Variants in TFB1M observed in about 807,000 individuals in gnomAD.
The protein encoded by TFB1M is dimethyladenosine transferase 1, mitochondrial.
TFB1M carries 27 observed loss-of-function variants against 31.1 expected under a neutral mutation model. The observed-to-expected ratio is 0.87, with a 90% confidence interval of 0.64 to 1.20. The LOEUF (loss-of-function observed/expected upper bound fraction) is 1.20. TFB1M is among the 50% of genes most tolerant of loss of function. The pLI, the probability that TFB1M is intolerant of heterozygous loss-of-function variation, is 0.00. For missense variants in TFB1M, 394 were observed against 418.7 expected, an observed-to-expected ratio of 0.94 and a Z score of 0.51; for synonymous variants, 166 against 151.8, an observed-to-expected ratio of 1.09 and a Z score of -0.69.
At chr6:155,241,569 C>T in the TFB1M span, among the ~76,000 whole-genome samples, 120 of 152,216 alleles carry the variant, frequency 7.9e-4, no homozygotes, top group African/African-American at 2.7e-3. Flanking sequence ...CACACACGTG[C>T]GGCTATTACC....
At chr6:155,240,493 GC>G in the TFB1M span, 4 of 1,572,672 alleles carry the variant, frequency 2.5e-6, no homozygotes, top group South Asian at 1.2e-5. Flanking sequence ...TCAGGGAGAG[GC>G]CCGTGCATTA....
chr6:155,252,361 C>T (rs560272348), downstream of TFB1M, among the ~76,000 whole-genome samples: 17 of 152,116 alleles, frequency 1.1e-4, no homozygotes, highest in East Asian at 5.8e-4. Context: ...CCCAGCTACT[C>T]GGGAGGCTGA....
In TFB1M at chr6:155,297,175, T is replaced by A. The variant is rs1256996595; in HGVS notation, c.395-71A>T. 3.4e-5 allele frequency: 51 copies of A among 1,521,520 alleles called. 1 individual carries two copies. In the Admixed American group the frequency reaches 7.4e-4, roughly 22 times the overall value. 94.3% of individuals were successfully genotyped at this position (1,521,520 alleles called of 1,614,324 possible). A position where few individuals can be genotyped will look rare whatever the true frequency, so the allele number is the denominator to read the frequency against. On this transcript the variant is annotated intron_variant, in intron 3 of 6. Coordinates refer to ENST00000367166, the MANE Select transcript of TFB1M (RefSeq NM_016020.4). ...TTCTGAATACAATTTCAGTGACGAG[T>A]AAAATCAGACTGGATATTAATAGCA...
the TFB1M span, among the ~76,000 whole-genome samples, chr6:155,249,013 A>T: frequency 6.6e-6 from 1 of 152,240 alleles, no homozygotes; most frequent in Non-Finnish European, 1.5e-5. Context: ...GTTAACTTCT[A>T]TAAGTAAATA....
At chr6:155,278,149 C>T (rs950493904) in intron 5 of TFB1M, among the ~76,000 whole-genome samples, 2 of 152,080 alleles carry the variant, frequency 1.3e-5, no homozygotes, top group Admixed American at 1.3e-4. Context: ...ATTCCTATCC[C>T]GCTGTGTTCA....
downstream of TFB1M, chr6:155,254,600 A>T: frequency 6.2e-7 from 1 of 1,602,666 alleles, no homozygotes; most frequent in Non-Finnish European, 8.5e-7. Flanking sequence ...CCTTGTGTTT[A>T]TTCAACAAAA....
chr6:155,260,856 T>G lies in TFB1M; in HGVS notation c.667-456A>C, dbSNP rs536157989. 1.5e-3 allele frequency: 397 copies of G among 263,024 alleles called. 7 individuals carry two copies. In the South Asian group the frequency reaches 0.017, roughly 11 times the overall value. 16.3% of individuals were successfully genotyped at this position (263,024 alleles called of 1,614,324 possible). A position where few individuals can be genotyped will look rare whatever the true frequency, so the allele number is the denominator to read the frequency against. ...TAAACTTCCCAGATAGAGACACCAC[T>G]TATTTTCGGTAGACACTGATTAATC... On this transcript the variant is annotated intron_variant, in intron 5 of 6. Transcript: ENST00000367166.
Position 155,257,237 on chromosome 6 carries a change from T to C in TFB1M, c.*599A>G, listed in dbSNP as rs894590452. On this transcript the variant is annotated 3_prime_UTR_variant, in exon 7 of 7. Coordinates refer to ENST00000367166, the MANE Select transcript of TFB1M (RefSeq NM_016020.4). ...CTGTTCATTCCTGGGTTTTGTGCAGTATACATTTTCCCACAAAATGGTTGT... is the reference window on the plus strand; with the variant it reads ...CTGTTCATTCCTGGGTTTTGTGCAGCATACATTTTCCCACAAAATGGTTGT... 2 of 1,161,366 alleles carry C rather than the reference T, an allele frequency of 1.7e-6. No individual in the cohort carries two copies. Among genetic ancestry groups the C allele is most frequent in the African/African-American group, 1.6e-5 (1 of 63,618 alleles). The allele number at this position is 1,161,366 out of a possible 1,614,324, so 71.9% of individuals were successfully genotyped here.
chr6:155,290,970 T>C (rs1776895498), intron 4 of TFB1M, among the ~76,000 whole-genome samples: 1 of 152,178 alleles, frequency 6.6e-6, no homozygotes, highest in African/African-American at 2.4e-5. Flanking sequence ...TAGCTCAAGA[T>C]GGGGCTGGTC....
intron 5 of TFB1M, chr6:155,275,511 G>A (rs950954976): frequency 9.4e-6 from 5 of 534,464 alleles, no homozygotes; most frequent in African/African-American, 5.7e-5. Flanking sequence ...CTTGGGGGCT[G>A]GAGAAGGGGG....
At chr6:155,275,652 T>C (rs947295449) in intron 5 of TFB1M, 5 of 1,449,840 alleles carry the variant, frequency 3.4e-6, no homozygotes, top group East Asian at 4.6e-5. Context: ...CAGAAATAGA[T>C]AGAATTCTGA....
At chr6:155,245,492 G>C in the TFB1M span, 5 of 736,936 alleles carry the variant, frequency 6.8e-6, no homozygotes, top group African/African-American at 7.1e-5. Context: ...TGTGTGGATG[G>C]AGCAGGTTTG....
Position 155,290,034 on chromosome 6 carries a change from C to CT in TFB1M, c.547-4758dup, listed in dbSNP as rs538808878. Among the ~76,000 whole-genome samples the CT allele has an allele frequency of 1.7e-4, 26 of 152,112 alleles. No homozygotes were observed. The East Asian group carries it at 4.1e-3, about 24-fold the overall frequency. ...TTGCAGAAATGTGAGCCAATTAAAC[C>CT]TTTTTTTTAAAATAAATTACCCAGT... On this transcript the variant is annotated intron_variant, in intron 4 of 6. Transcript: ENST00000367166.
the TFB1M span, among the ~76,000 whole-genome samples, chr6:155,235,301 T>C: frequency 6.6e-6 from 1 of 152,176 alleles, no homozygotes; most frequent in Non-Finnish European, 1.5e-5. Context: ...CCTGCTGCCT[T>C]TTCATCAGGA....
At chr6:155,295,925 G>A (rs971615156) in intron 4 of TFB1M, among the ~76,000 whole-genome samples, 1 of 152,168 alleles carries the variant, frequency 6.6e-6, no homozygotes, top group Non-Finnish European at 1.5e-5. Context: ...AGGGACTTGA[G>A]CACTTGTAGA....
chr6:155,253,041 G>A (rs768471442), downstream of TFB1M: 1 of 1,613,974 alleles, frequency 6.2e-7, no homozygotes, highest in African/African-American at 1.3e-5. Flanking sequence ...AGTCAGACTG[G>A]GGAATCCAGC....
At chr6:155,245,964 C>T in the TFB1M span, among the ~76,000 whole-genome samples, 1 of 152,058 alleles carries the variant, frequency 6.6e-6, no homozygotes, top group Non-Finnish European at 1.5e-5. Context: ...CCATGTGTCA[C>T]TTTGCTGTCA....
chr6:155,234,526 C>G, the TFB1M span, among the ~76,000 whole-genome samples: 4 of 152,354 alleles, frequency 2.6e-5, no homozygotes, highest in Admixed American at 2.0e-4. Context: ...ACTTAGCCTT[C>G]TGAGTAGCTG....
intron 3 of TFB1M, among the ~76,000 whole-genome samples, chr6:155,297,599 A>G (rs1317131862): frequency 6.6e-6 from 1 of 152,236 alleles, no homozygotes; most frequent in East Asian, 1.9e-4. Context: ...CAATCTGTAC[A>G]AAGTGGGTAG....
Sources: gnomAD v4.1 joint callset for allele counts (sites outside exome capture counted in the v4.1 genomes callset) on GRCh38, gnomAD v4.1.1 for gene constraint, MANE v1.5 for transcripts, NCBI Gene and HGNC (gene_info 2026-07-23, HGNC 2026-07-21) for gene names.